Variants in WDR93 observed in about 807,000 individuals in gnomAD.
The protein encoded by WDR93 is WD repeat domain 93.
Under a neutral mutation model 82.9 loss-of-function variants are expected in WDR93, and 73 were observed. That is an observed-to-expected ratio of 0.88 (90% confidence interval 0.73 to 1.07). The LOEUF is 1.07. Ranked by LOEUF, WDR93 falls within the 50% of genes least tolerant of loss-of-function variation. The pLI, the probability that WDR93 is intolerant of heterozygous loss-of-function variation, is 0.00. For missense variants in WDR93, 738 were observed against 826.0 expected, an observed-to-expected ratio of 0.89 and a Z score of 1.31; for synonymous variants, 283 against 300.1, an observed-to-expected ratio of 0.94 and a Z score of 0.59.
chr15:89,715,968 C>T (rs2141642563), intron 6 of WDR93, among the ~76,000 whole-genome samples: 1 of 152,294 alleles, frequency 6.6e-6, no homozygotes. Flanking sequence ...ATTATTTTTA[C>T]TTTTAAACCA....
At chr15:89,737,541 G>A (rs1401293526) in intron 14 of WDR93, 32 bp from the exon 15 acceptor site, 1 of 1,613,746 alleles carries the variant, frequency 6.2e-7, no homozygotes, top group South Asian at 1.1e-5. Context: ...GAGTCCAGTA[G>A]AAGCCCCCCT....
intron 5 of WDR93, among the ~76,000 whole-genome samples, chr15:89,713,446 G>A (rs1966092022): frequency 6.6e-6 from 1 of 151,220 alleles, no homozygotes; most frequent in South Asian, 2.1e-4. Context: ...CCCCTCCAAT[G>A]TCAGGTATTT....
chr15:89,739,354 G>T (rs1967474304), intron 16 of WDR93, among the ~76,000 whole-genome samples: 1 of 152,126 alleles, frequency 6.6e-6, no homozygotes, highest in Admixed American at 6.5e-5. Context: ...TACATTCTGG[G>T]CCTTTACAGA....
In WDR93 at chr15:89,702,068, A is replaced by T; in HGVS notation, c.303+19A>T. ...AATCCAGGTATGGAGTAAGCAGTTG[A>T]CCAGGAGCCCCTGTTTCTCAGTTGA... is the stretch of plus-strand genomic sequence containing the variant. On this transcript the variant is annotated intron_variant, in intron 2 of 16. Transcript: ENST00000268130. 1 of 1,581,738 alleles carries T rather than the reference A, an allele frequency of 6.3e-7. No individual in the cohort carries two copies. Among genetic ancestry groups the T allele is most frequent in the Non-Finnish European group, 8.6e-7 (1 of 1,160,754 alleles).
rs1356714018 is a variant in WDR93 at position 89,715,013 on chromosome 15, T to A, written c.674T>A (p.Leu225Ter). The change falls in exon 6 of 17, where the codon TTG (leucine) becomes TAG (stop). Residue 225 changes from leucine to a stop codon, truncating the protein, a stop_gained. Coordinates refer to ENST00000268130, the MANE Select transcript of WDR93 (RefSeq NM_020212.2). LOFTEE classifies it high-confidence loss of function. The stretch of plus-strand genomic sequence containing the variant: ...GATATTTGGCTGGATGTGTATAAAT[T>A]GCCCAAGGAGACTTGGCTCAAGAAA... The part of the protein sequence containing the change: ...AGDIWLDVYK[L>*]PKETWLKKLE... 5.6e-6 allele frequency: 9 copies of A among 1,613,936 alleles called. No individual in the cohort carries two copies. Among genetic ancestry groups the A allele is most frequent in the Non-Finnish European group, 7.6e-6 (9 of 1,179,980 alleles).
intron 7 of WDR93, among the ~76,000 whole-genome samples, chr15:89,718,662 A>C (rs116120065): frequency 0.023 from 3,432 of 152,316 alleles, 143 homozygotes; most frequent in African/African-American, 0.079. Flanking sequence ...GTTATATTTC[A>C]CATTGTACAA....
upstream of WDR93, chr15:89,690,441 C>T: frequency 3.1e-6 from 2 of 637,158 alleles, no homozygotes; most frequent in Non-Finnish European, 5.4e-6. Context: ...TACTAAACTC[C>T]CTCCGTAGGA....
At chr15:89,705,349 C>A in intron 3 of WDR93, 1 of 571,254 alleles carries the variant, frequency 1.8e-6, no homozygotes, top group East Asian at 2.9e-5. Flanking sequence ...TGGAGAGGAC[C>A]CAGGAAGGAA....
chr15:89,729,180 A>T, intron 10 of WDR93, 87 bp downstream of exon 10: 1 of 1,259,088 alleles, frequency 7.9e-7, no homozygotes, highest in Non-Finnish European at 1.2e-6. Context: ...ATGTTCCCCA[A>T]CAAACCTCGC....
In WDR93 at chr15:89,737,735, G is replaced by A. The variant is rs773189915; in HGVS notation, c.1765+6G>A. 1 of 1,614,184 alleles carries A rather than the reference G, an allele frequency of 6.2e-7. No individual in the cohort carries two copies. The highest frequency in any genetic ancestry group is 1.7e-5 in the Admixed American group (1 of 60,028). ...TCCATGTTTCCTGCTCCGAGGTACA[G>A]AAAGGGACCAGGGCTGATGCCCACT... On this transcript the variant is annotated splice_donor_region_variant and intron_variant, in intron 15 of 16. Coordinates refer to ENST00000268130, the MANE Select transcript of WDR93 (RefSeq NM_020212.2).
chr15:89,730,338 A>AG (rs1966849729), intron 11 of WDR93, among the ~76,000 whole-genome samples: 1 of 149,914 alleles, frequency 6.7e-6, no homozygotes, highest in Non-Finnish European at 1.5e-5. Flanking sequence ...AAAAAAAAAA[A>AG]AAAAAGAGAG....
At chr15:89,729,472 C>T (rs577837724) in intron 10 of WDR93, among the ~76,000 whole-genome samples, 14 of 152,232 alleles carry the variant, frequency 9.2e-5, no homozygotes, top group East Asian at 3.9e-4. Context: ...TGCAAGAAGG[C>T]GGGTGGGCCC....
At position 89,729,688 on chromosome 15, in the gene WDR93, G is replaced by T. The variant is rs1440033656; in HGVS notation, c.1129G>T (p.Ala377Ser). ...TTCCCCCGCCCCCCCACCAGGAATGGCCTGTGTCCTTGGTATACACTGGAC... is the reference window on the plus strand; with the variant it reads ...TTCCCCCGCCCCCCCACCAGGAATGTCCTGTGTCCTTGGTATACACTGGAC... The part of the protein sequence containing the change: ...PPEVKGPSGM[A>S]CVLGIHWTRS... Residue 377 changes from alanine (A) to serine (S), a missense_variant, in exon 11 of 17, where the codon GCC becomes TCC. Physicochemically the swap from Ala to Ser is moderately conservative, Grantham distance 99. Coordinates refer to ENST00000268130, the MANE Select transcript of WDR93 (RefSeq NM_020212.2). The T allele has an allele frequency of 1.2e-6, 2 of 1,612,318 alleles. No homozygotes were observed. The highest frequency in any genetic ancestry group is 2.2e-5 in the South Asian group (2 of 90,994).
At chr15:89,692,069 C>T (rs1255182523) in intron 1 of WDR93, among the ~76,000 whole-genome samples, 1 of 152,144 alleles carries the variant, frequency 6.6e-6, no homozygotes, top group Non-Finnish European at 1.5e-5. Flanking sequence ...CTGGTGCCCA[C>T]CTGCATTCCC....
At chr15:89,732,957 T>C in intron 12 of WDR93, 49 bp from the exon 13 acceptor site, 1 of 1,583,246 alleles carries the variant, frequency 6.3e-7, no homozygotes, top group African/African-American at 1.3e-5. Context: ...GCCCATGGCC[T>C]CCTCCCCTAC....
At chr15:89,729,932 A>T (rs1966845014) in intron 11 of WDR93, among the ~76,000 whole-genome samples, 163 bp downstream of exon 11, 1 of 152,158 alleles carries the variant, frequency 6.6e-6, no homozygotes, top group African/African-American at 2.4e-5. Flanking sequence ...GACCGCAAGA[A>T]TCTGTCTCTG....
intron 7 of WDR93, among the ~76,000 whole-genome samples, chr15:89,720,641 T>C (rs924155400): frequency 2.0e-5 from 3 of 152,216 alleles, no homozygotes; most frequent in Admixed American, 6.5e-5. Context: ...GCTTTTTTTA[T>C]GGGCTTCTCA....
At chr15:89,711,151 C>T (rs531019615) in intron 4 of WDR93, among the ~76,000 whole-genome samples, 1 of 152,278 alleles carries the variant, frequency 6.6e-6, no homozygotes, top group East Asian at 1.9e-4. Context: ...GGACACAGTG[C>T]ACCTGTGGAG....
chr15:89,705,487 T>C, intron 3 of WDR93, 67 bp from the exon 4 acceptor site: 1 of 991,174 alleles, frequency 1.0e-6, no homozygotes, highest in East Asian at 2.4e-5. Context: ...AAGTCCAATA[T>C]AAAATTTCCA....
Sources: allele counts gnomAD v4.1 joint callset (sites outside exome capture counted in the v4.1 genomes callset), GRCh38; gene constraint gnomAD v4.1.1; transcripts MANE v1.5; gene names NCBI Gene and HGNC (gene_info 2026-07-23, HGNC 2026-07-21).